GRIN2A: variants seen among roughly 807,000 people sequenced by gnomAD.
GRIN2A encodes glutamate receptor ionotropic, NMDA 2A.
In GRIN2A, 22 loss-of-function variants were observed where a neutral mutation model predicts 113.4. The observed-to-expected ratio is 0.19, with a 90% CI of 0.14 to 0.28. The LOEUF is 0.28. Ranked by LOEUF, GRIN2A falls within the 10% of genes least tolerant of loss-of-function variation. GRIN2A has a pLI of 1.00. For missense variants in GRIN2A, 1,502 were observed against 1,887.0 expected (o/e 0.80, Z 3.78); for synonymous variants, 827 against 738.4 (o/e 1.12, Z -1.94).
At chr16:10,038,237 C>T (rs1779325068) in intron 2 of GRIN2A, among the ~76,000 whole-genome samples, 1 of 152,062 alleles carries the variant, frequency 6.6e-6, no homozygotes, top group Admixed American at 6.5e-5. Flanking sequence ...CCTTGCCTGG[C>T]TTGCCCTAAT....
At chr16:10,116,661 G>T (rs920238658) in intron 2 of GRIN2A, among the ~76,000 whole-genome samples, 2 of 152,108 alleles carry the variant, frequency 1.3e-5, no homozygotes, top group African/African-American at 4.8e-5. Flanking sequence ...AGGAAAAGAA[G>T]CCAGCAGCAG....
At position 9,764,599 on chromosome 16, in the gene GRIN2A, C is replaced by T. The variant is rs768295624; in HGVS notation, c.2945G>A (p.Gly982Glu). The T allele has an allele frequency of 3.1e-6, 5 of 1,614,046 alleles. No homozygotes were observed. In the South Asian group the frequency reaches 4.4e-5, roughly 14 times the overall value. ...CTCATTGAGAGTAAGAGGATGTTGT[C>T]CCTGGAATACATAGTTATTGAGGTT... ...KDNLNNYVFQ[G>E]QHPLTLNESN... The change falls in exon 13 of 13, where the codon GGA becomes GAA. Residue 982 changes from glycine to glutamate, a missense_variant. Physicochemically the swap from Gly to Glu is moderately conservative, Grantham distance 98. This residue lies in a region of GRIN2A where 832 missense variants were observed against 789.7 expected (regional missense o/e 1.05). Coordinates refer to ENST00000330684, the MANE Select transcript of GRIN2A (RefSeq NM_001134407.3).
intron 2 of GRIN2A, among the ~76,000 whole-genome samples, chr16:10,028,648 A>G (rs1021556137): frequency 6.6e-6 from 1 of 152,208 alleles, no homozygotes; most frequent in African/African-American, 2.4e-5. Context: ...CCCCAGGAAT[A>G]CCCACCATTG....
intron 4 of GRIN2A, among the ~76,000 whole-genome samples, chr16:9,859,379 T>C (rs1182008991): frequency 6.6e-6 from 1 of 152,056 alleles, no homozygotes; most frequent in Admixed American, 6.6e-5. Context: ...AAGTGTCCAG[T>C]GAATGTCAGT....
chr16:9,920,632 T>A (rs2044341205), intron 3 of GRIN2A, among the ~76,000 whole-genome samples: 2 of 151,462 alleles, frequency 1.3e-5, no homozygotes, highest in Admixed American at 1.3e-4. Context: ...AGTGACAAGA[T>A]CTCGGCTCAC....
chr16:9,765,481 A>G (rs944980456), intron 12 of GRIN2A, among the ~76,000 whole-genome samples: 1 of 152,210 alleles, frequency 6.6e-6, no homozygotes, highest in Non-Finnish European at 1.5e-5. Context: ...GCCAATCAGA[A>G]AATCTCTTCT....
At chr16:10,000,056 A>G (rs1453906918) in intron 2 of GRIN2A, among the ~76,000 whole-genome samples, 3 of 151,464 alleles carry the variant, frequency 2.0e-5, no homozygotes, top group Non-Finnish European at 4.4e-5. Flanking sequence ...TGTTTCCTCT[A>G]CCTTCACTAT....
intron 2 of GRIN2A, among the ~76,000 whole-genome samples, chr16:9,962,059 A>G (rs901483699): frequency 1.3e-5 from 2 of 152,244 alleles, no homozygotes; most frequent in Non-Finnish European, 2.9e-5. Flanking sequence ...GCCTAGCCAT[A>G]TGTAGAAAGC....
intron 3 of GRIN2A, among the ~76,000 whole-genome samples, chr16:9,902,161 C>G (rs554623435): frequency 6.6e-6 from 1 of 152,166 alleles, no homozygotes; most frequent in Non-Finnish European, 1.5e-5. Flanking sequence ...TAGAGGGGCA[C>G]AGAACCTCCA....
chr16:9,975,272 TTA>T (rs1461604168), intron 2 of GRIN2A, among the ~76,000 whole-genome samples: 2 of 152,154 alleles, frequency 1.3e-5, no homozygotes, highest in African/African-American at 4.8e-5. Flanking sequence ...TCTGAATGTG[TTA>T]TGTTACATGA....
chr16:9,901,714 G>A (rs1196870351), intron 3 of GRIN2A, among the ~76,000 whole-genome samples: 4 of 152,170 alleles, frequency 2.6e-5, no homozygotes, highest in Non-Finnish European at 4.4e-5. Flanking sequence ...GCCTCCCAAA[G>A]TGCTGGGATT....
At chr16:10,121,648 A>G (rs1255444158) in intron 2 of GRIN2A, 2 of 152,104 alleles carry the variant, frequency 1.3e-5, no homozygotes, top group African/African-American at 4.8e-5. Context: ...GCAGCCACAT[A>G]TCATGAGTTT....
At chr16:9,939,612 C>A (rs979778354) in intron 2 of GRIN2A, among the ~76,000 whole-genome samples, 1 of 152,114 alleles carries the variant, frequency 6.6e-6, no homozygotes, top group African/African-American at 2.4e-5. Context: ...TCATCAAATC[C>A]CCATAATGAT....
intron 2 of GRIN2A, among the ~76,000 whole-genome samples, chr16:10,025,068 G>C (rs2046794680): frequency 6.6e-6 from 1 of 152,042 alleles, no homozygotes; most frequent in Non-Finnish European, 1.5e-5. Flanking sequence ...GAGGAATCGA[G>C]AGATGAGAGG....
At chr16:10,107,966 G>A (rs895826501) in intron 2 of GRIN2A, among the ~76,000 whole-genome samples, 20 of 152,130 alleles carry the variant, frequency 1.3e-4, no homozygotes, top group Non-Finnish European at 4.4e-5. Flanking sequence ...ACAGTTTGAG[G>A]GAATGCCTCA....
intron 2 of GRIN2A, among the ~76,000 whole-genome samples, chr16:10,152,330 A>G (rs1299118112): frequency 6.6e-6 from 1 of 152,182 alleles, no homozygotes; most frequent in African/African-American, 2.4e-5. Flanking sequence ...GTACTTGGCC[A>G]CCTACGTGTC....
rs199551487 is a variant in GRIN2A at position 9,764,541 on chromosome 16, G to A, written c.3003C>T (p.Ser1001=). 172 of 1,613,894 alleles carry A rather than the reference G, an allele frequency of 1.1e-4. No homozygotes were observed. Among genetic ancestry groups the A allele is most frequent in the Admixed American group, 2.0e-4 (12 of 60,008 alleles). The change falls in exon 13 of 13, where the codon AGC becomes AGT. Residue 1001 remains serine, a synonymous_variant. Coordinates refer to ENST00000330684, the MANE Select transcript of GRIN2A (RefSeq NM_001134407.3). ...SNPNTVEVAV[S]TESKANSRPR... Reference sequence around the variant, plus strand: ...GTCTAGAGTTCGCTTTGGATTCTGTGCTCACGGCCACCTCCACCGTGTTAG... The same window carrying A: ...GTCTAGAGTTCGCTTTGGATTCTGTACTCACGGCCACCTCCACCGTGTTAG...
chr16:10,123,239 C>A (rs1375069), intron 2 of GRIN2A, among the ~76,000 whole-genome samples: 100,621 of 151,992 alleles, frequency 0.66, 34,646 homozygotes, highest in East Asian at 0.95. Context: ...CCAAAACTTC[C>A]CTTGCAATAG....
At chr16:10,109,011 CT>C (rs2048554815) in intron 2 of GRIN2A, among the ~76,000 whole-genome samples, 2 of 69,068 alleles carry the variant, frequency 2.9e-5, no homozygotes, top group Non-Finnish European at 5.3e-5. Context: ...AGCTGATTCT[CT>C]TTAAAAAAAA....
Sources: gnomAD v4.1 joint callset for allele counts (sites outside exome capture counted in the v4.1 genomes callset) on GRCh38, gnomAD v4.1.1 for gene constraint, gnomAD v4.1.1 regional missense constraint, MANE v1.5 for transcripts, NCBI Gene and HGNC (gene_info 2026-07-23, HGNC 2026-07-21) for gene names.